Variants in PTPRK observed in about 807,000 individuals in gnomAD.
PTPRK encodes the protein receptor-type tyrosine-protein phosphatase kappa.
Under a neutral mutation model 178.0 loss-of-function variants are expected in PTPRK, and 75 were observed. The ratio of observed to expected loss-of-function variants is 0.42; its 90% CI spans 0.35 to 0.51. PTPRK has a LOEUF of 0.51. Among genes scored for constraint, PTPRK ranks in the 20% least tolerant of loss-of-function variants. The pLI is 0.02. For missense variants in PTPRK, 1,441 were observed against 1,797.8 expected, an observed-to-expected ratio of 0.80 and a Z score of 3.59; for synonymous variants, 637 against 620.6, an observed-to-expected ratio of 1.03 and a Z score of -0.39.
At chr6:128,220,231 T>C (rs1323564587) in intron 5 of PTPRK, among the ~76,000 whole-genome samples, 1 of 152,042 alleles carries the variant, frequency 6.6e-6, no homozygotes, top group African/African-American at 2.4e-5. Flanking sequence ...AAGGAATAAA[T>C]AGCCAGAATA....
chr6:128,025,141 A>T (rs1774096027), intron 13 of PTPRK, among the ~76,000 whole-genome samples: 1 of 152,232 alleles, frequency 6.6e-6, no homozygotes, highest in African/African-American at 2.4e-5. Context: ...CAACAAACTG[A>T]AACATGGTTT....
intron 21 of PTPRK, 103 bp from the exon 22 acceptor site, chr6:127,985,978 A>G: frequency 8.8e-7 from 1 of 1,141,100 alleles, no homozygotes. Flanking sequence ...AATGATAACA[A>G]TAAAACCTTT....
intron 2 of PTPRK, among the ~76,000 whole-genome samples, chr6:128,330,980 G>A (rs1055126413): frequency 2.6e-5 from 4 of 152,144 alleles, no homozygotes; most frequent in Non-Finnish European, 5.9e-5. Context: ...GTCCTCAGCT[G>A]GCTGATTTTC....
At chr6:128,178,709 G>A (rs1801474989) in intron 7 of PTPRK, among the ~76,000 whole-genome samples, 1 of 145,156 alleles carries the variant, frequency 6.9e-6, no homozygotes, top group Non-Finnish European at 1.5e-5. Flanking sequence ...CTATATGCAT[G>A]TTTTCATGAT....
In PTPRK at chr6:128,494,201, TAA is replaced by T. The variant is rs11301155; in HGVS notation, c.100+26056_100+26057del. On this transcript the variant is annotated intron_variant, in intron 1 of 29. Transcript: ENST00000368226. ...GGTAATGTAGCAAGACCCTGTATCT[TAA>T]AAAAAAAAAAAAAAAAAAAAGTGTA... 6.2e-3 allele frequency among the ~76,000 whole-genome samples: 701 copies of T among 112,904 alleles called. 3 individuals are homozygous for T. The highest frequency in any genetic ancestry group is 0.021 in the African/African-American group (632 of 29,796). The allele number at this position is 112,904 out of a possible 152,430, so 74.1% of individuals were successfully genotyped here. A position where few individuals can be genotyped will look rare whatever the true frequency, so the allele number is the denominator to read the frequency against.
At position 128,068,920 on chromosome 6, in the gene PTPRK, G is replaced by T. The variant is rs1414735012; in HGVS notation, c.1884-1128C>A. On this transcript the variant is annotated intron_variant, in intron 11 of 29. Coordinates refer to ENST00000368226, the MANE Select transcript of PTPRK (RefSeq NM_002844.4). Reference sequence around the variant, plus strand: ...AAAAGACTTCCATGAAAAAGAAAGAGGTGGGTAGGTAGAGGGGAGTGGGGA... The same window carrying T: ...AAAAGACTTCCATGAAAAAGAAAGATGTGGGTAGGTAGAGGGGAGTGGGGA... 2.6e-5 allele frequency among the ~76,000 whole-genome samples: 4 copies of T among 151,648 alleles called. No homozygotes were observed. In the East Asian group the frequency reaches 7.7e-4, roughly 29 times the overall value.
At chr6:128,494,046 T>C (rs948871966) in intron 1 of PTPRK, among the ~76,000 whole-genome samples, 4 of 152,034 alleles carry the variant, frequency 2.6e-5, no homozygotes, top group South Asian at 4.2e-4. Flanking sequence ...AGACAAACAG[T>C]AGTTACTAGA....
intron 4 of PTPRK, among the ~76,000 whole-genome samples, chr6:128,240,839 T>C (rs987996757): frequency 2.0e-5 from 3 of 152,166 alleles, no homozygotes; most frequent in Non-Finnish European, 4.4e-5. Context: ...GACTGACAAG[T>C]ATCCTCTGAA....
chr6:128,154,549 G>A (rs1281110260), intron 7 of PTPRK, among the ~76,000 whole-genome samples: 2 of 151,642 alleles, frequency 1.3e-5, no homozygotes, highest in South Asian at 2.1e-4. Context: ...CCTGGATAGT[G>A]AGGACTAAAA....
intron 2 of PTPRK, among the ~76,000 whole-genome samples, chr6:128,334,124 C>G (rs1350273661): frequency 6.6e-6 from 1 of 152,060 alleles, no homozygotes; most frequent in East Asian, 1.9e-4. Context: ...GAAAAAATTA[C>G]AACAGTAACA....
intron 1 of PTPRK, among the ~76,000 whole-genome samples, chr6:128,483,712 C>G (rs1460963257): frequency 6.6e-6 from 1 of 152,140 alleles, no homozygotes; most frequent in Non-Finnish European, 1.5e-5. Context: ...ATATGACGAA[C>G]CAACCTGTCC....
chr6:128,429,757 GA>G (rs1844584696), intron 1 of PTPRK, among the ~76,000 whole-genome samples: 1 of 152,120 alleles, frequency 6.6e-6, no homozygotes, highest in African/African-American at 2.4e-5. Context: ...TAGTGACTCA[GA>G]ATGTAAACTT....
Position 128,083,748 on chromosome 6 carries a change from A to G in PTPRK, c.1542T>C (p.Pro514=). ...GAGTGATGATTCCATTTGGATCCAA[A>G]GGTTCTTTCCAGTTCAAGAAGATCT... ...ENKIFLNWKE[P]LDPNGIITQY... Residue 514 remains proline, a synonymous_variant, in exon 9 of 30, where the codon CCT becomes CCC. Transcript: ENST00000368226. 2 of 1,604,984 alleles carry G rather than the reference A, an allele frequency of 1.2e-6. No homozygotes were observed. Among genetic ancestry groups the G allele is most frequent in the East Asian group, 2.3e-5 (1 of 44,276 alleles).
intron 3 of PTPRK, among the ~76,000 whole-genome samples, chr6:128,243,545 G>T (rs1814897597): frequency 6.6e-6 from 1 of 150,846 alleles, no homozygotes; most frequent in Non-Finnish European, 1.5e-5. Context: ...GATTAGCTGG[G>T]TGTGGTGACA....
intron 1 of PTPRK, among the ~76,000 whole-genome samples, chr6:128,450,867 A>G (rs1584777680): frequency 6.6e-6 from 1 of 152,168 alleles, no homozygotes; most frequent in Non-Finnish European, 1.5e-5. Flanking sequence ...TCAAAATAAG[A>G]TGGGTTGTTT....
chr6:128,322,570 T>C (rs1405092750), intron 2 of PTPRK, among the ~76,000 whole-genome samples: 1 of 151,804 alleles, frequency 6.6e-6, no homozygotes, highest in Admixed American at 6.6e-5. Context: ...TTTTACAAAT[T>C]AGGAAATTGA....
intron 13 of PTPRK, among the ~76,000 whole-genome samples, chr6:128,058,346 T>C (rs1423647305): frequency 6.6e-6 from 1 of 152,186 alleles, no homozygotes; most frequent in Non-Finnish European, 1.5e-5. Flanking sequence ...TTTTTCATTT[T>C]ACTAATTTTG....
chr6:128,399,065 A>T (rs1840699843), intron 1 of PTPRK, among the ~76,000 whole-genome samples: 1 of 152,226 alleles, frequency 6.6e-6, no homozygotes, highest in Non-Finnish European at 1.5e-5. Context: ...AGAAAAACCA[A>T]TAACCTGTCT....
chr6:128,435,667 C>T (rs1328012575), intron 1 of PTPRK, among the ~76,000 whole-genome samples: 3 of 152,204 alleles, frequency 2.0e-5, no homozygotes, highest in South Asian at 2.1e-4. Context: ...GAAATGCTAA[C>T]CCAAAGAACT....
Sources: gnomAD v4.1 joint callset for allele counts (sites outside exome capture counted in the v4.1 genomes callset) on GRCh38, gnomAD v4.1.1 for gene constraint, MANE v1.5 for transcripts, NCBI Gene and HGNC (gene_info 2026-07-23, HGNC 2026-07-21) for gene names.